CDH18: variants seen among roughly 807,000 people sequenced by gnomAD.
CDH18 encodes the protein cadherin 18.
In CDH18, 31 loss-of-function variants were observed where a neutral mutation model predicts 67.9. The ratio of observed to expected loss-of-function variants is 0.46; its 90% CI spans 0.34 to 0.62. CDH18 has a LOEUF of 0.62. Ranked by LOEUF, CDH18 falls within the 20% of genes least tolerant of loss-of-function variation. CDH18 has a pLI of 0.01. For synonymous variants in CDH18, 362 were observed against 347.2 expected (o/e 1.04, Z -0.48); for missense variants, 890 against 975.5 (o/e 0.91, Z 1.17).
chr5:19,547,122 A>C (rs1267966843), intron 8 of CDH18, among the ~76,000 whole-genome samples: 1 of 152,160 alleles, frequency 6.6e-6, no homozygotes, highest in Non-Finnish European at 1.5e-5. Flanking sequence ...TAGAAAAAAA[A>C]CAAAACCCTT....
intron 5 of CDH18, among the ~76,000 whole-genome samples, chr5:19,626,174 G>A (rs1234407246): frequency 3.3e-5 from 5 of 152,042 alleles, no homozygotes; most frequent in African/African-American, 4.8e-5. Flanking sequence ...CCACTCAAGC[G>A]ACAACACTAA....
At chr5:20,242,199 C>G (rs1742980392) in intron 2 of CDH18, among the ~76,000 whole-genome samples, 2 of 151,742 alleles carry the variant, frequency 1.3e-5, no homozygotes, top group Non-Finnish European at 2.9e-5. Flanking sequence ...GAGGTACAAT[C>G]ATATTTTGAT....
At chr5:19,661,361 A>T (rs1037411644) in intron 5 of CDH18, among the ~76,000 whole-genome samples, 1 of 152,002 alleles carries the variant, frequency 6.6e-6, no homozygotes, top group Non-Finnish European at 1.5e-5. Flanking sequence ...TAGTGATAGT[A>T]ATGTACTGGT....
chr5:20,490,141 A>T (rs560837539), intron 1 of CDH18, among the ~76,000 whole-genome samples: 67 of 151,848 alleles, frequency 4.4e-4, no homozygotes, highest in African/African-American at 1.5e-3. Context: ...AAAGAATGAT[A>T]GACCAATGGC....
intron 3 of CDH18, among the ~76,000 whole-genome samples, chr5:19,823,156 C>T (rs993586801): frequency 1.3e-5 from 2 of 152,066 alleles, no homozygotes; most frequent in African/African-American, 4.8e-5. Flanking sequence ...TTTCAAGGTG[C>T]CCAGATTTCA....
At chr5:20,423,503 A>G (rs769338028) in intron 1 of CDH18, among the ~76,000 whole-genome samples, 4 of 151,244 alleles carry the variant, frequency 2.6e-5, no homozygotes, top group Admixed American at 1.3e-4. Flanking sequence ...AAAATAAAGA[A>G]ACGCAAAATG....
At chr5:20,219,992 A>G (rs1741097600) in intron 2 of CDH18, among the ~76,000 whole-genome samples, 1 of 151,984 alleles carries the variant, frequency 6.6e-6, no homozygotes, top group Non-Finnish European at 1.5e-5. Context: ...CAAAAAAGGG[A>G]AAGATATTTT....
intron 1 of CDH18, among the ~76,000 whole-genome samples, chr5:20,520,530 G>A (rs748769638): frequency 6.6e-6 from 1 of 152,104 alleles, no homozygotes; most frequent in African/African-American, 2.4e-5. Context: ...GGGATGGATA[G>A]AACCTTAGTG....
At chr5:20,029,889 C>T (rs1476297181) in intron 2 of CDH18, among the ~76,000 whole-genome samples, 1 of 152,256 alleles carries the variant, frequency 6.6e-6, no homozygotes, top group African/African-American at 2.4e-5. Context: ...AAGGTGTTTG[C>T]TATTCTGAGT....
In CDH18 at chr5:19,511,323, G is replaced by C. The variant is rs1429362150; in HGVS notation, c.1513-8214C>G. Among the ~76,000 whole-genome samples, 6 of 152,120 alleles carry C rather than the reference G, an allele frequency of 3.9e-5. No individual in the cohort carries two copies. In the East Asian group the frequency reaches 1.2e-3, roughly 29 times the overall value. On this transcript the variant is annotated intron_variant, in intron 10 of 12. Transcript: ENST00000382275. ...AGCAGTTCTTAATAGTATGAAAACAGACTAATACAGTAAATTGGTACCACG... is the reference window on the plus strand; with the variant it reads ...AGCAGTTCTTAATAGTATGAAAACACACTAATACAGTAAATTGGTACCACG...
In CDH18 at chr5:19,622,505, T is replaced by G. The variant is rs1580546247; in HGVS notation, c.644-9904A>C. On this transcript the variant is annotated intron_variant, in intron 5 of 12. Transcript: ENST00000382275. ...CATCAGTCATCTGGGTCTATTTGCC[T>G]TCTCCTTAAATTTGTGCTGGCCTGT... is the stretch of plus-strand genomic sequence containing the variant. Among the ~76,000 whole-genome samples, 6 of 152,298 alleles carry G rather than the reference T, an allele frequency of 3.9e-5. 2 individuals carry two copies. The South Asian group carries it at 1.2e-3, about 32-fold the overall frequency.
chr5:19,590,075 G>C (rs1280139978), intron 7 of CDH18, among the ~76,000 whole-genome samples: 1 of 152,106 alleles, frequency 6.6e-6, no homozygotes, highest in East Asian at 1.9e-4. Flanking sequence ...TGTAGGGGCT[G>C]AGTCTGCCTT....
At chr5:19,910,887 G>A (rs919426193) in intron 2 of CDH18, among the ~76,000 whole-genome samples, 11 of 151,968 alleles carry the variant, frequency 7.2e-5, no homozygotes, top group African/African-American at 2.4e-4. Flanking sequence ...AGATATATAC[G>A]TAAGGACATA....
chr5:19,700,503 T>C (rs1763100792), intron 5 of CDH18, among the ~76,000 whole-genome samples: 1 of 152,202 alleles, frequency 6.6e-6, no homozygotes, highest in Non-Finnish European at 1.5e-5. Context: ...GTTTAAGTTA[T>C]TTAAATGGTT....
At chr5:19,960,018 A>G (rs1284841739) in intron 2 of CDH18, among the ~76,000 whole-genome samples, 1 of 152,110 alleles carries the variant, frequency 6.6e-6, no homozygotes. Flanking sequence ...TGGGACTGAA[A>G]GTTGTTCTGA....
At chr5:19,938,381 C>T (rs1294854023) in intron 2 of CDH18, among the ~76,000 whole-genome samples, 1 of 151,246 alleles carries the variant, frequency 6.6e-6, no homozygotes, top group Non-Finnish European at 1.5e-5. Context: ...ATTATGACTT[C>T]CGATATCCTA....
At chr5:19,626,882 C>T (rs898855918) in intron 5 of CDH18, among the ~76,000 whole-genome samples, 1 of 152,062 alleles carries the variant, frequency 6.6e-6, no homozygotes, top group African/African-American at 2.4e-5. Flanking sequence ...TCAAAAATTT[C>T]GAGAGCTGGC....
intron 2 of CDH18, among the ~76,000 whole-genome samples, chr5:19,947,043 T>A (rs1249175779): frequency 6.6e-6 from 1 of 152,136 alleles, no homozygotes; most frequent in Non-Finnish European, 1.5e-5. Flanking sequence ...ACATTTATTA[T>A]ATAAACTTGT....
intron 2 of CDH18, among the ~76,000 whole-genome samples, chr5:20,155,358 A>T (rs993511600): frequency 5.3e-5 from 8 of 152,084 alleles, no homozygotes; most frequent in Non-Finnish European, 4.4e-5. Context: ...TGTTGCTTTT[A>T]TAGTATTGCT....
Sources: gnomAD v4.1 joint callset for allele counts (sites outside exome capture counted in the v4.1 genomes callset) on GRCh38, gnomAD v4.1.1 for gene constraint, MANE v1.5 for transcripts, NCBI Gene and HGNC (gene_info 2026-07-23, HGNC 2026-07-21) for gene names.